The following N4BP2L2 variants were observed in gnomAD, a reference collection of about 807,000 sequenced individuals.
N4BP2L2 encodes NEDD4-binding protein 2-like 2.
N4BP2L2 carries 50 observed loss-of-function variants against 56.2 expected under a neutral mutation model. That is an observed-to-expected ratio of 0.89 (90% CI 0.71 to 1.13). The LOEUF (loss-of-function observed/expected upper bound fraction) is 1.13, where lower values mean the gene tolerates loss of function less well. N4BP2L2 is among the 50% of genes most tolerant of loss of function. N4BP2L2 has a pLI of 0.00. For synonymous variants in N4BP2L2, 203 were observed against 223.6 expected, an observed-to-expected ratio of 0.91 and a Z score of 0.82; for missense variants, 689 against 693.8, an observed-to-expected ratio of 0.99 and a Z score of 0.08.
At chr13:32,538,675 A>C in exon 1 of N4BP2L2, 4 of 985,530 alleles carry the variant, frequency 4.1e-6, no homozygotes, top group Non-Finnish European at 4.8e-6. Context: ...TTTTAGGAAG[A>C]CACGAACCTC....
chr13:32,508,369 A>C (rs1483104974), downstream of N4BP2L2: 2 of 152,196 alleles, frequency 1.3e-5, no homozygotes, highest in Non-Finnish European at 2.9e-5. Context: ...GACTCAGCAA[A>C]GAAGGCGAGG....
intron 6 of N4BP2L2, among the ~76,000 whole-genome samples, chr13:32,498,229 T>C (rs772328238): frequency 1.6e-4 from 25 of 152,306 alleles, no homozygotes; most frequent in Non-Finnish European, 3.5e-4. Context: ...CTGTAATTCC[T>C]CCCAAAGTGT....
exon 6 of N4BP2L2, chr13:32,516,696 T>C (rs539469658): frequency 1.1e-4 from 18 of 168,598 alleles, no homozygotes; most frequent in African/African-American, 1.9e-4. Flanking sequence ...GGGTTTTTTT[T>C]CCCCTAAAAA....
At chr13:32,469,811 A>G (rs2081967709) in intron 6 of N4BP2L2, among the ~76,000 whole-genome samples, 1 of 152,200 alleles carries the variant, frequency 6.6e-6, no homozygotes, top group Non-Finnish European at 1.5e-5. Flanking sequence ...AATTGGGAGA[A>G]GGATGTTACT....
chr13:32,508,050 A>G (rs1415052850), downstream of N4BP2L2: 1 of 152,202 alleles, frequency 6.6e-6, no homozygotes, highest in Non-Finnish European at 1.5e-5. Flanking sequence ...CATGATGTCA[A>G]GGAAGCCAAG....
At chr13:32,524,241 T>C (rs553292701) in intron 3 of N4BP2L2, 1 of 152,394 alleles carries the variant, frequency 6.6e-6, no homozygotes, top group East Asian at 1.9e-4. Flanking sequence ...GCTCCGTCTC[T>C]AATCATAGTG....
intron 6 of N4BP2L2, among the ~76,000 whole-genome samples, chr13:32,467,145 AT>A (rs2081371674): frequency 1.3e-5 from 2 of 152,226 alleles, no homozygotes; most frequent in Admixed American, 6.5e-5. Context: ...GATTTAACCT[AT>A]TAAAAATATA....
At chr13:32,528,801 AG>A (rs975546143) in intron 2 of N4BP2L2, among the ~76,000 whole-genome samples, 1 of 152,198 alleles carries the variant, frequency 6.6e-6, no homozygotes, top group African/African-American at 2.4e-5. Flanking sequence ...AAAAAATAGT[AG>A]GAAGGGTTTA....
chr13:32,487,659 G>A (rs529591636), intron 6 of N4BP2L2, among the ~76,000 whole-genome samples: 1 of 151,868 alleles, frequency 6.6e-6, no homozygotes, highest in Admixed American at 6.6e-5. Flanking sequence ...GCAACAGAAC[G>A]CGACTCCATC....
At chr13:32,445,036 G>A (rs2076832426) in intron 6 of N4BP2L2, among the ~76,000 whole-genome samples, 1 of 152,182 alleles carries the variant, frequency 6.6e-6, no homozygotes, top group African/African-American at 2.4e-5. Context: ...ATCACCTGAG[G>A]TCAGGAGTTC....
In N4BP2L2 at chr13:32,527,552, T is replaced by A. The variant is rs763236567; in HGVS notation, c.1260-20A>T. The A allele has an allele frequency of 6.2e-7, 1 of 1,607,126 alleles. No homozygotes were observed. The highest frequency in any genetic ancestry group is 8.5e-7 in the Non-Finnish European group (1 of 1,179,344). ...AGAATTCTGTTAATAAAAGAAATCATAAAGGTGCCATTTACAAAATCTATA... is the reference window on the plus strand; with the variant it reads ...AGAATTCTGTTAATAAAAGAAATCAAAAAGGTGCCATTTACAAAATCTATA... On this transcript the variant is annotated intron_variant, in intron 2 of 5. Coordinates refer to ENST00000267068, the Ensembl canonical transcript of N4BP2L2.
At chr13:32,506,217 C>G (rs1014303198), downstream of N4BP2L2, 6 of 152,204 alleles carry the variant, frequency 3.9e-5, no homozygotes, top group African/African-American at 9.6e-5. Context: ...TTCTGTGTGT[C>G]TGTGTCCTAA....
At chr13:32,520,817 A>G (rs1425427596) in intron 5 of N4BP2L2, among the ~76,000 whole-genome samples, 1 of 152,202 alleles carries the variant, frequency 6.6e-6, no homozygotes, top group African/African-American at 2.4e-5. Flanking sequence ...TAAGCTGCGA[A>G]AACTCAGTTC....
chr13:32,534,419 G>C (rs1299786889), intron 2 of N4BP2L2, among the ~76,000 whole-genome samples: 4 of 152,006 alleles, frequency 2.6e-5, no homozygotes, highest in Non-Finnish European at 4.4e-5. Flanking sequence ...CTAACTAGCA[G>C]ACTCTTTTAT....
chr13:32,503,172 CAAAAAAAA>C (rs35773755), intron 6 of N4BP2L2, among the ~76,000 whole-genome samples: 33 of 57,994 alleles, frequency 5.7e-4, no homozygotes, highest in African/African-American at 1.8e-3. Flanking sequence ...GACTCTGTAG[CAAAAAAAA>C]AAAAAAAAAA....
chr13:32,484,196 G>A (rs9591012), intron 6 of N4BP2L2, among the ~76,000 whole-genome samples: 41,486 of 151,588 alleles, frequency 0.27, 6,857 homozygotes, highest in Non-Finnish European at 0.37. Flanking sequence ...GGTGGCGCAC[G>A]TCTGTAGTCC....
intron 6 of N4BP2L2, among the ~76,000 whole-genome samples, chr13:32,463,071 T>G: frequency 6.7e-6 from 1 of 149,276 alleles, no homozygotes; most frequent in South Asian, 2.1e-4. Flanking sequence ...TATACAAATA[T>G]TACACATTAA....
chr13:32,480,341 G>A (rs1348962873), intron 6 of N4BP2L2, among the ~76,000 whole-genome samples: 2 of 152,138 alleles, frequency 1.3e-5, no homozygotes, highest in East Asian at 1.9e-4. Flanking sequence ...ATTTGACCTG[G>A]AGAACCTCAT....
At chr13:32,536,278 T>A in exon 2 of N4BP2L2, 1 of 1,613,632 alleles carries the variant, frequency 6.2e-7, no homozygotes, top group Non-Finnish European at 8.5e-7. Context: ...GTATTACTTG[T>A]CCATTACAGG....
Sources: allele counts gnomAD v4.1 joint callset (sites outside exome capture counted in the v4.1 genomes callset), GRCh38; gene constraint gnomAD v4.1.1; transcripts MANE v1.5; gene names NCBI Gene and HGNC (gene_info 2026-07-23, HGNC 2026-07-21).